CCR6: variants seen among roughly 807,000 people sequenced by gnomAD.
CCR6 encodes C-C motif chemokine receptor 6.
In CCR6, 2 loss-of-function variants were observed where a neutral mutation model predicts 3.0. The ratio of observed to expected loss-of-function variants is 0.66; its 90% CI spans 0.27 to 2.07. The LOEUF is 2.07. Among genes scored for constraint, CCR6 ranks in the 30% most tolerant of loss-of-function variants. CCR6 has a pLI of 0.14. For synonymous variants in CCR6, 193 were observed against 184.3 expected (o/e 1.05, Z -0.38); for missense variants, 322 against 462.8 (o/e 0.70, Z 2.79).
At chr6:167,121,903 G>A (rs1371460376), upstream of CCR6, among the ~76,000 whole-genome samples, 2 of 152,156 alleles carry the variant, frequency 1.3e-5, no homozygotes, top group Admixed American at 6.5e-5. Flanking sequence ...CCAGTAAGGG[G>A]GAGCCACTGG....
Position 167,133,932 on chromosome 6 carries a change from GTATATATATATA to G in CCR6, c.-97-2079_-97-2068del, listed in dbSNP as rs6149918. Reference sequence around the variant, plus strand: ...ATACTATTATATATGATATATGTGTGTATATATATATATATATATATATATATATATATATAT... The same window carrying G: ...ATACTATTATATATGATATATGTGTGTATATATATATATATATATATATAT... On this transcript the variant is annotated intron_variant, in intron 1 of 2. Transcript: ENST00000341935. Among the ~76,000 whole-genome samples the G allele has an allele frequency of 7.1e-4, 78 of 110,396 alleles. 1 individual carries two copies. Among genetic ancestry groups the G allele is most frequent in the Middle Eastern group, 5.2e-3 (1 of 194 alleles). The allele number at this position is 110,396 out of a possible 152,430, so 72.4% of individuals were successfully genotyped here.
chr6:167,117,151 T>A (rs1411666665), intron 1 of CCR6: 1 of 152,250 alleles, frequency 6.6e-6, no homozygotes, highest in Non-Finnish European at 1.5e-5. Flanking sequence ...TGTCCAAGAA[T>A]ACTGCTGCGT....
rs184720862 is a variant in CCR6 at position 167,132,393 on chromosome 6, G to A, written c.-97-3645G>A. Among the ~76,000 whole-genome samples the A allele has an allele frequency of 3.4e-4, 52 of 152,306 alleles. No homozygotes were observed. In the East Asian group the frequency reaches 5.6e-3, roughly 16 times the overall value. On this transcript the variant is annotated intron_variant, in intron 1 of 2. Coordinates refer to ENST00000341935, the MANE Select transcript of CCR6 (RefSeq NM_031409.4). ...CAGCTGTGCAAGAAAGGACCCCACT[G>A]TCTCCTTGGAGTGGCTGTGTGATCT... is the stretch of plus-strand genomic sequence containing the variant.
At chr6:167,130,643 C>T (rs1255711190) in intron 1 of CCR6, among the ~76,000 whole-genome samples, 1 of 151,746 alleles carries the variant, frequency 6.6e-6, no homozygotes, top group Non-Finnish European at 1.5e-5. Flanking sequence ...TGACAACCAC[C>T]GTTTTTATGG....
chr6:167,135,056 C>T (rs533417504), intron 1 of CCR6: 2 of 152,478 alleles, frequency 1.3e-5, no homozygotes, highest in East Asian at 1.9e-4. Context: ...TGCTGGCGTT[C>T]CCAGCACACG....
chr6:167,124,060 C>A (rs1005941949), intron 1 of CCR6, among the ~76,000 whole-genome samples: 1 of 152,062 alleles, frequency 6.6e-6, no homozygotes, highest in South Asian at 2.1e-4. Flanking sequence ...TGCAGTGAGC[C>A]GAGATCACGC....
chr6:167,132,626 C>T (rs139673597), intron 1 of CCR6, among the ~76,000 whole-genome samples: 109 of 152,280 alleles, frequency 7.2e-4, no homozygotes, highest in African/African-American at 2.5e-3. Flanking sequence ...TTGCAACCTC[C>T]GCCTCCCGGG....
At chr6:167,117,871 A>G (rs2114912071), upstream of CCR6, among the ~76,000 whole-genome samples, 1 of 151,894 alleles carries the variant, frequency 6.6e-6, no homozygotes, top group Non-Finnish European at 1.5e-5. Flanking sequence ...TGAGAACAGT[A>G]GTGATGAAAC....
At chr6:167,123,976 G>A (rs1781627794) in intron 1 of CCR6, among the ~76,000 whole-genome samples, 1 of 152,118 alleles carries the variant, frequency 6.6e-6, no homozygotes. Flanking sequence ...GCCAGGCATT[G>A]TGGCATGTGC....
chr6:167,115,379 C>T (rs575384547), intron 1 of CCR6: 2 of 152,332 alleles, frequency 1.3e-5, no homozygotes, highest in East Asian at 3.9e-4. Flanking sequence ...TTAAGTAAGT[C>T]AGAGGAAAAC....
At chr6:167,117,884 G>T (rs181551155), upstream of CCR6, among the ~76,000 whole-genome samples, 106 of 151,450 alleles carry the variant, frequency 7.0e-4, no homozygotes, top group African/African-American at 2.4e-3. Context: ...GATGAAACGC[G>T]CAGGTCGCTT....
rs762239874 is a variant in CCR6, at chr6:167,137,090, C to A, written c.860C>A (p.Ser287Tyr). ...TAANLGKMNR[S>Y]CQSEKLIGYT... is the part of the protein sequence containing the mutation. The stretch of plus-strand genomic sequence containing the variant: ...GCAAATTTGGGTAAAATGAACCGAT[C>A]CTGCCAGAGCGAAAAGCTAATTGGC... Residue 287 changes from serine to tyrosine, a missense_variant, in exon 3 of 3, where the codon TCC becomes TAC. Physicochemically the swap from Ser to Tyr is moderately radical, Grantham distance 144. Transcript: ENST00000341935. This position sits in a 1 kb window ranked among gnomAD's most constrained non-coding sequence, Gnocchi z 4.6. 3.1e-6 allele frequency: 5 copies of A among 1,614,170 alleles called. No individual in the cohort carries two copies. Among genetic ancestry groups the A allele is most frequent in the Non-Finnish European group, 4.2e-6 (5 of 1,180,042 alleles).
At chr6:167,135,711 A>G (rs1781838924) in intron 1 of CCR6, among the ~76,000 whole-genome samples, 1 of 152,226 alleles carries the variant, frequency 6.6e-6, no homozygotes, top group African/African-American at 2.4e-5. Flanking sequence ...TATTTAACCA[A>G]TAGATCAAGG....
chr6:167,112,998 T>C (rs1562552793), intron 1 of CCR6, among the ~76,000 whole-genome samples: 1 of 151,920 alleles, frequency 6.6e-6, no homozygotes, highest in Non-Finnish European at 1.5e-5. Context: ...CATTTAACAA[T>C]ACTGCGATTC....
chr6:167,135,517 C>T (rs1781836489), intron 1 of CCR6, among the ~76,000 whole-genome samples: 1 of 152,190 alleles, frequency 6.6e-6, no homozygotes, highest in Non-Finnish European at 1.5e-5. Context: ...TCTCACATGC[C>T]CACAGGGGTG....
chr6:167,124,883 C>T (rs1302986142), intron 1 of CCR6, among the ~76,000 whole-genome samples: 2 of 151,876 alleles, frequency 1.3e-5, no homozygotes, highest in Non-Finnish European at 2.9e-5. Flanking sequence ...ACATACTGCA[C>T]ACACATGCAT....
intron 1 of CCR6, among the ~76,000 whole-genome samples, chr6:167,124,605 T>C (rs1350855789): frequency 6.6e-6 from 1 of 152,174 alleles, no homozygotes; most frequent in Non-Finnish European, 1.5e-5. Context: ...CAAGGTGAAT[T>C]AGAACGGCGA....
Position 167,137,348 on chromosome 6 carries a change from C to T in CCR6, c.1118C>T (p.Thr373Ile). Residue 373 changes from threonine to isoleucine, a missense_variant, in exon 3 of 3, where the codon ACT (threonine) becomes ATT (isoleucine). Thr to Ile is a moderately conservative substitution (Grantham distance 89, BLOSUM62 -1). Transcript: ENST00000341935. The surrounding 1 kb of genome is among the most constrained non-coding windows in gnomAD (Gnocchi z 4.6). ...GATAACGACAATGCGTCGTCCTTCA[C>T]TATGTGATAGAAAGCTGAGTCTCCC... ...TADNDNASSF[T>I]M The T allele has an allele frequency of 6.2e-7, 1 of 1,609,412 alleles. No individual in the cohort carries two copies. Among genetic ancestry groups the T allele is most frequent in the Non-Finnish European group, 8.5e-7 (1 of 1,178,520 alleles).
At chr6:167,117,415 CTTTTTTTTTT>C (rs35058463) in intron 1 of CCR6, among the ~76,000 whole-genome samples, 5 of 109,914 alleles carry the variant, frequency 4.5e-5, no homozygotes, top group Admixed American at 2.1e-4. Context: ...TTTTTTTTTT[CTTTTTTTTTT>C]TTTTTTTTTG....
Sources: gnomAD v4.1 joint callset for allele counts (sites outside exome capture counted in the v4.1 genomes callset) on GRCh38, gnomAD v4.1.1 for gene constraint, Gnocchi (gnomAD v3.1) non-coding constraint, MANE v1.5 for transcripts, NCBI Gene and HGNC (gene_info 2026-07-23, HGNC 2026-07-21) for gene names.